The following EYS variants were observed in gnomAD, a reference collection of about 807,000 sequenced individuals.
The protein encoded by EYS is protein eyes shut homolog.
A neutral mutation model predicts 282.1 loss-of-function variants in EYS; 250 were observed. The observed-to-expected ratio is 0.89, with a 90% CI of 0.80 to 0.98. EYS has a LOEUF of 0.98. Ranked by LOEUF, EYS falls within the 50% of genes least tolerant of loss-of-function variation. EYS has a pLI of 0.00. For missense variants in EYS, 4,016 were observed against 3,709.0 expected (o/e 1.08, Z -2.15); for synonymous variants, 1,355 against 1,282.9 (o/e 1.06, Z -1.20).
chr6:65,540,291 T>G (rs372191370), intron 2 of EYS, among the ~76,000 whole-genome samples: 2 of 152,198 alleles, frequency 1.3e-5, no homozygotes, highest in Non-Finnish European at 2.9e-5. Flanking sequence ...GCATAAATAC[T>G]TTGTGGGCAA....
chr6:64,409,447 T>A (rs1582716814), intron 28 of EYS, among the ~76,000 whole-genome samples: 1 of 152,196 alleles, frequency 6.6e-6, no homozygotes, highest in Non-Finnish European at 1.5e-5. Context: ...AAAGAGCTTC[T>A]ACATAGAAAA....
intron 14 of EYS, among the ~76,000 whole-genome samples, chr6:64,995,192 T>C (rs765774906): frequency 6.6e-6 from 1 of 152,122 alleles, no homozygotes; most frequent in Non-Finnish European, 1.5e-5. Flanking sequence ...GTGAAAACCA[T>C]AGACAACAAG....
chr6:64,679,785 G>A (rs779245582), intron 22 of EYS, among the ~76,000 whole-genome samples: 1 of 152,036 alleles, frequency 6.6e-6, no homozygotes, highest in African/African-American at 2.4e-5. Context: ...AGTGAGATAA[G>A]CGTATTTTCA....
At chr6:65,151,348 G>A (rs1208519182) in intron 12 of EYS, among the ~76,000 whole-genome samples, 1 of 151,864 alleles carries the variant, frequency 6.6e-6, no homozygotes, top group Non-Finnish European at 1.5e-5. Context: ...GAGATAATTG[G>A]GCAGAGGGAC....
chr6:64,526,093 A>C (rs1777909700), intron 26 of EYS, among the ~76,000 whole-genome samples: 1 of 151,904 alleles, frequency 6.6e-6, no homozygotes, highest in African/African-American at 2.4e-5. Flanking sequence ...CTAAAAGGTT[A>C]CATATTGTAT....
At chr6:64,996,446 G>A (rs753676849) in intron 14 of EYS, among the ~76,000 whole-genome samples, 12 of 152,106 alleles carry the variant, frequency 7.9e-5, no homozygotes, top group East Asian at 1.9e-4. Context: ...AGCAGGCGAC[G>A]AAATCTTTCC....
At position 63,869,761 on chromosome 6, in the gene EYS, G is replaced by A. The variant is rs545548306; in HGVS notation, c.7056-5403C>T. On this transcript the variant is annotated intron_variant, in intron 35 of 42. Coordinates refer to ENST00000503581, the MANE Select transcript of EYS (RefSeq NM_001142800.2). ...AGTTGTGTCTGAATCAGTTAATGGTGGAATAAGACAAATATGATGAAATCT... is the reference window on the plus strand; with the variant it reads ...AGTTGTGTCTGAATCAGTTAATGGTAGAATAAGACAAATATGATGAAATCT... Among the ~76,000 whole-genome samples, 4 of 152,210 alleles carry A rather than the reference G, an allele frequency of 2.6e-5. No homozygotes were observed. The South Asian group carries it at 8.3e-4, about 32-fold the overall frequency.
chr6:64,900,598 G>T (rs1767623850), intron 18 of EYS, among the ~76,000 whole-genome samples: 1 of 152,044 alleles, frequency 6.6e-6, no homozygotes, highest in South Asian at 2.1e-4. Flanking sequence ...TTCAAAAGAA[G>T]ACATTTATGC....
rs539736090 is a variant in EYS at position 64,522,529 on chromosome 6, A to G, written c.5644+67694T>C. ...TCGAAGACAAATTGAATGTATCTGT[A>G]TGGTCTTTTGTGAAACCAGTTTGAT... On this transcript the variant is annotated intron_variant, in intron 26 of 42. Coordinates refer to ENST00000503581, the MANE Select transcript of EYS (RefSeq NM_001142800.2). Among the ~76,000 whole-genome samples, 133 of 151,816 alleles carry G rather than the reference A, an allele frequency of 8.8e-4. 3 individuals are homozygous for G. The South Asian group carries it at 0.027, about 31-fold the overall frequency.
intron 26 of EYS, among the ~76,000 whole-genome samples, chr6:64,442,031 G>C (rs1774965478): frequency 6.6e-6 from 1 of 152,168 alleles, no homozygotes; most frequent in Non-Finnish European, 1.5e-5. Context: ...AGTTTGGAGG[G>C]CTCAGAAGAA....
chr6:64,677,513 CAA>C (rs2149901532), intron 22 of EYS, among the ~76,000 whole-genome samples: 1 of 152,182 alleles, frequency 6.6e-6, no homozygotes, highest in Non-Finnish European at 1.5e-5. Context: ...TACATCAAGA[CAA>C]ATATATCATG....
intron 29 of EYS, among the ~76,000 whole-genome samples, chr6:64,343,991 C>T (rs535576148): frequency 1.3e-5 from 2 of 152,048 alleles, no homozygotes; most frequent in Non-Finnish European, 2.9e-5. Context: ...ATACACACTC[C>T]CAAGACTAAA....
At chr6:64,997,555 G>A in intron 14 of EYS, 27 bp downstream of exon 14, 1 of 1,546,672 alleles carries the variant, frequency 6.5e-7, no homozygotes, top group East Asian at 2.5e-5. Context: ...CCACATTTAG[G>A]TATATAAAAA....
At chr6:63,962,112 G>A (rs1175993747) in intron 35 of EYS, among the ~76,000 whole-genome samples, 1 of 152,104 alleles carries the variant, frequency 6.6e-6, no homozygotes, top group Non-Finnish European at 1.5e-5. Context: ...ATTAACTCAA[G>A]ATGGATTAAA....
intron 26 of EYS, among the ~76,000 whole-genome samples, chr6:64,484,555 C>T (rs1183118855): frequency 6.6e-6 from 1 of 151,484 alleles, no homozygotes; most frequent in Non-Finnish European, 1.5e-5. Context: ...ATGGCTGAGG[C>T]TAACATATGA....
chr6:65,072,724 T>G (rs1174058807), intron 12 of EYS, among the ~76,000 whole-genome samples: 1 of 150,840 alleles, frequency 6.6e-6, no homozygotes, highest in Admixed American at 6.6e-5. Flanking sequence ...CAAAAAAGAA[T>G]CACAAAGTGA....
intron 35 of EYS, among the ~76,000 whole-genome samples, chr6:63,940,743 T>G (rs1582003152): frequency 6.6e-6 from 1 of 152,190 alleles, no homozygotes; most frequent in Admixed American, 6.5e-5. Context: ...TGCAGGTTTG[T>G]TACATATGTA....
At chr6:65,605,645 G>A (rs576298595) in intron 2 of EYS, among the ~76,000 whole-genome samples, 2 of 151,812 alleles carry the variant, frequency 1.3e-5, no homozygotes, top group Admixed American at 6.6e-5. Context: ...TACATATTTA[G>A]CAAAATTATT....
chr6:64,912,774 G>A (rs1334157890), intron 15 of EYS, 31 bp from the exon 16 acceptor site: 13 of 1,294,080 alleles, frequency 1.0e-5, no homozygotes, highest in Non-Finnish European at 1.3e-5. Context: ...TTTTAGAAGT[G>A]TGAACTCTTT....
Sources: allele counts gnomAD v4.1 joint callset (sites outside exome capture counted in the v4.1 genomes callset), GRCh38; gene constraint gnomAD v4.1.1; transcripts MANE v1.5; gene names NCBI Gene and HGNC (gene_info 2026-07-23, HGNC 2026-07-21).